Variants in CCDC3 observed in about 807,000 individuals in gnomAD.
The protein encoded by CCDC3 is coiled-coil domain containing 3.
In CCDC3, 24 loss-of-function variants were observed where a neutral mutation model predicts 21.4. The ratio of observed to expected loss-of-function variants is 1.12; its 90% CI spans 0.81 to 1.58. The LOEUF (loss-of-function observed/expected upper bound fraction) is 1.58. Ranked by LOEUF, CCDC3 falls within the 40% of genes most tolerant of loss-of-function variation. CCDC3 has a pLI of 0.00. For missense variants in CCDC3, 425 were observed against 360.9 expected (o/e 1.18, Z -1.44); for synonymous variants, 186 against 166.0 (o/e 1.12, Z -0.93).
intron 3 of CCDC3, among the ~76,000 whole-genome samples, chr10:13,091,348 A>G (rs951789017): frequency 2.0e-5 from 3 of 152,128 alleles, no homozygotes; most frequent in Non-Finnish European, 4.4e-5. Context: ...GCCCTCACAA[A>G]TGAGATTAGT....
intron 5 of CCDC3, among the ~76,000 whole-genome samples, chr10:13,025,189 A>C (rs186176093): frequency 2.9e-4 from 44 of 152,300 alleles, no homozygotes; most frequent in Non-Finnish European, 5.9e-4. Flanking sequence ...ATATGGCTGT[A>C]AATTGGTACT....
chr10:13,024,768 TA>T (rs1836193563), intron 5 of CCDC3, among the ~76,000 whole-genome samples: 1 of 152,200 alleles, frequency 6.6e-6, no homozygotes, highest in Non-Finnish European at 1.5e-5. Context: ...AAAATCTCCT[TA>T]GCCAGGTCCA....
chr10:12,919,783 C>T (rs894779637), intron 2 of CCDC3, among the ~76,000 whole-genome samples: 1 of 152,198 alleles, frequency 6.6e-6, no homozygotes, highest in Non-Finnish European at 1.5e-5. Flanking sequence ...CCCGAGATGG[C>T]ATGCAGCTCC....
At chr10:13,001,108 G>T in intron 1 of CCDC3, 89 bp downstream of exon 1, 1 of 1,458,076 alleles carries the variant, frequency 6.9e-7, no homozygotes. Context: ...CAGGCTGCCC[G>T]GGGAGTTACC....
At chr10:12,977,169 A>C (rs182742653) in intron 2 of CCDC3, among the ~76,000 whole-genome samples, 51 of 152,170 alleles carry the variant, frequency 3.4e-4, no homozygotes, top group Admixed American at 2.4e-3. Context: ...CAGCTACTCG[A>C]GAGGCTGAGG....
intron 2 of CCDC3, among the ~76,000 whole-genome samples, chr10:12,995,485 G>A (rs111647849): frequency 0.021 from 3,238 of 152,256 alleles, 128 homozygotes; most frequent in African/African-American, 0.074. Context: ...CAAGTGATCC[G>A]CCGACCTCGG....
chr10:13,097,027 C>T (rs957347500), intron 3 of CCDC3, among the ~76,000 whole-genome samples: 4 of 152,174 alleles, frequency 2.6e-5, no homozygotes, highest in African/African-American at 9.7e-5. Flanking sequence ...GCCAACGCTC[C>T]TGAAGGTAGG....
chr10:12,960,159 C>CA lies in CCDC3; in HGVS notation c.549+38178dup, dbSNP rs1299863481. ...ACAGACCAAGACTCCATTTCACACA[C>CA]ACACACACAACACACACACACACAC... On this transcript the variant is annotated intron_variant, in intron 2 of 2. Transcript: ENST00000378825. Among the ~76,000 whole-genome samples, 4 of 54,084 alleles carry CA rather than the reference C, an allele frequency of 7.4e-5. No homozygotes were observed. The East Asian group carries it at 1.7e-3, about 23-fold the overall frequency. 35.5% of individuals were successfully genotyped at this position (54,084 alleles called of 152,430 possible).
intron 3 of CCDC3, among the ~76,000 whole-genome samples, chr10:13,078,749 C>G (rs905366831): frequency 6.6e-5 from 10 of 152,002 alleles, no homozygotes; most frequent in African/African-American, 2.4e-4. Flanking sequence ...TCTGAGCAAA[C>G]CATCGCAAGG....
At chr10:12,937,172 C>G (rs189659717) in intron 2 of CCDC3, among the ~76,000 whole-genome samples, 152 of 151,912 alleles carry the variant, frequency 1.0e-3, no homozygotes, top group African/African-American at 3.5e-3. Flanking sequence ...GTTACAGTTC[C>G]GCCTTTCCTA....
intron 5 of CCDC3, among the ~76,000 whole-genome samples, chr10:13,045,265 G>C (rs886351540): frequency 6.6e-6 from 1 of 152,128 alleles, no homozygotes; most frequent in East Asian, 1.9e-4. Context: ...TATGGCTCCA[G>C]GTATCAAAGA....
chr10:13,023,456 G>T (rs930930490), intron 5 of CCDC3, among the ~76,000 whole-genome samples: 5 of 152,204 alleles, frequency 3.3e-5, no homozygotes, highest in African/African-American at 9.6e-5. Flanking sequence ...AGTTGCTCAG[G>T]GTTCCTCCTA....
At chr10:12,905,335 G>A (rs956946410) in intron 2 of CCDC3, among the ~76,000 whole-genome samples, 1 of 152,240 alleles carries the variant, frequency 6.6e-6, no homozygotes, top group Non-Finnish European at 1.5e-5. Context: ...GCAGAGGTGA[G>A]TAGCTGCAAC....
At chr10:12,898,713 TGAGTCCCAGAAACTGCGCTGCGGCCAGGG>T in intron 2 of CCDC3, 34 bp from the exon 3 acceptor site, 1 of 1,608,570 alleles carries the variant, frequency 6.2e-7, no homozygotes. Context: ...GGAGAGGAGG[TGAGTCCCAGAAACTGCGCTGCGGCCAGGG>T]GAGTCCCAGA....
intron 2 of CCDC3, among the ~76,000 whole-genome samples, chr10:12,995,363 T>A (rs1042546304): frequency 1.3e-5 from 2 of 152,130 alleles, no homozygotes; most frequent in African/African-American, 4.8e-5. Flanking sequence ...TGCCTCAACA[T>A]CCTAAGTAGC....
chr10:13,036,507 T>C (rs1196879811), intron 5 of CCDC3, among the ~76,000 whole-genome samples: 2 of 152,122 alleles, frequency 1.3e-5, no homozygotes, highest in African/African-American at 4.8e-5. Flanking sequence ...GTTTTTCAGA[T>C]GGAGTCTCGC....
chr10:12,903,888 G>A (rs1420670772), intron 2 of CCDC3, among the ~76,000 whole-genome samples: 1 of 152,142 alleles, frequency 6.6e-6, no homozygotes, highest in Non-Finnish European at 1.5e-5. Context: ...CCAACAAAAG[G>A]AAAATCAAAA....
intron 5 of CCDC3, among the ~76,000 whole-genome samples, chr10:13,038,972 C>A (rs763262542): frequency 6.6e-5 from 10 of 152,150 alleles, no homozygotes; most frequent in Non-Finnish European, 1.3e-4. Context: ...TCCAGAAGAA[C>A]CTAAACAGGG....
At chr10:12,953,500 A>T (rs1452813617) in intron 2 of CCDC3, among the ~76,000 whole-genome samples, 1 of 152,246 alleles carries the variant, frequency 6.6e-6, no homozygotes, top group East Asian at 1.9e-4. Context: ...GATTAGAAGC[A>T]AAAGGAAAAC....
Sources: gnomAD v4.1 joint callset for allele counts (sites outside exome capture counted in the v4.1 genomes callset) on GRCh38, gnomAD v4.1.1 for gene constraint, MANE v1.5 for transcripts, NCBI Gene and HGNC (gene_info 2026-07-23, HGNC 2026-07-21) for gene names.